Variants in ZNF285 observed in about 807,000 individuals in gnomAD.
ZNF285 encodes the protein zinc finger protein 285A.
A neutral mutation model predicts 6.2 loss-of-function variants in ZNF285; 4 were observed. The ratio of observed to expected loss-of-function variants is 0.65; its 90% confidence interval spans 0.32 to 1.49. ZNF285 has a LOEUF of 1.49. Among genes scored for constraint, ZNF285 ranks in the 40% most tolerant of loss-of-function variants. The probability of loss-of-function intolerance (pLI) is 0.07; values close to 1 mark genes in which losing one functional copy is unlikely to be tolerated. For missense variants in ZNF285, 695 were observed against 708.8 expected, an observed-to-expected ratio of 0.98 and a Z score of 0.22; for synonymous variants, 240 against 245.8, an observed-to-expected ratio of 0.98 and a Z score of 0.22.
intron 2 of ZNF285, among the ~76,000 whole-genome samples, chr19:44,394,351 T>G (rs991920293): frequency 6.6e-6 from 1 of 151,962 alleles, no homozygotes; most frequent in Non-Finnish European, 1.5e-5. Flanking sequence ...ACATGGCACA[T>G]GTATACATAT....
intron 3 of ZNF285, among the ~76,000 whole-genome samples, chr19:44,391,473 T>C (rs1490344136): frequency 6.6e-6 from 1 of 152,014 alleles, no homozygotes; most frequent in East Asian, 1.9e-4. Flanking sequence ...CATAGTTCCA[T>C]GTGGCTGGGG....
chr19:44,399,981 A>G (rs1214718249), intron 1 of ZNF285, among the ~76,000 whole-genome samples: 1 of 148,378 alleles, frequency 6.7e-6, no homozygotes, highest in Admixed American at 6.6e-5. Flanking sequence ...ACAATCCTGC[A>G]GAGAGAGAAC....
rs1971029099 is a variant in ZNF285 at position 44,383,376 on chromosome 19, C to T, written c.*3096G>A. On this transcript the variant is annotated 3_prime_UTR_variant, in exon 4 of 4. Coordinates refer to ENST00000614994, the MANE Select transcript of ZNF285 (RefSeq NM_152354.6). ...TCCCTGATGAGGCCTTAAGAGATCA[C>T]AGCTTTTGCCCTTGAAACCCTGGCA... The T allele has an allele frequency of 6.6e-6, 1 of 152,158 alleles. No individual in the cohort carries two copies. The highest frequency in any genetic ancestry group is 2.4e-5 in the African/African-American group (1 of 41,436). 9.4% of individuals were successfully genotyped at this position (152,158 alleles called of 1,614,324 possible). A position where few individuals can be genotyped will look rare whatever the true frequency, so the allele number is the denominator to read the frequency against.
chr19:44,392,576 A>G (rs147067333), intron 2 of ZNF285, 110 bp from the exon 3 acceptor site: 79,637 of 1,599,880 alleles, frequency 0.05, 2,322 homozygotes, highest in Non-Finnish European at 0.055. Context: ...AACAAAATAA[A>G]CTTATTTCTT....
At chr19:44,388,844 C>T (rs373043655) in intron 3 of ZNF285, among the ~76,000 whole-genome samples, 2,658 of 146,076 alleles carry the variant, frequency 0.018, 30 homozygotes, top group Non-Finnish European at 0.027. Context: ...GGCTTCCCTT[C>T]CTTCACATCA....
Position 44,397,237 on chromosome 19 carries a change from A to T in ZNF285, c.-24T>A, listed in dbSNP as rs189680817. 4.3e-6 allele frequency: 7 copies of T among 1,613,960 alleles called. No individual in the cohort carries two copies. The African/African-American group carries it at 8.0e-5, about 18-fold the overall frequency. On this transcript the variant is annotated 5_prime_UTR_variant, in exon 2 of 4. Coordinates refer to ENST00000614994, the MANE Select transcript of ZNF285 (RefSeq NM_152354.6). Reference sequence around the variant, plus strand: ...ATACCGTCTTCCTTTTGGAAAGGGCAGGATTCTGGAAAAGCAGAACTGCAA... The same window carrying T: ...ATACCGTCTTCCTTTTGGAAAGGGCTGGATTCTGGAAAAGCAGAACTGCAA...
At chr19:44,397,372 C>T (rs772804906) in intron 1 of ZNF285, 116 bp from the exon 2 acceptor site, 4 of 1,246,264 alleles carry the variant, frequency 3.2e-6, no homozygotes, top group Admixed American at 3.9e-5. Flanking sequence ...GATATCATCT[C>T]TTCTCGCTCT....
chr19:44,388,676 C>A (rs1971141031), intron 3 of ZNF285, among the ~76,000 whole-genome samples: 1 of 149,730 alleles, frequency 6.7e-6, no homozygotes, highest in Non-Finnish European at 1.5e-5. Context: ...CTTTAATAAT[C>A]TTGCTACAAA....
chr19:44,388,073 G>T lies in ZNF285; in HGVS notation c.172C>A (p.Leu58Ile), dbSNP rs979423135. Reference sequence around the variant, plus strand: ...AGGTAACTTAACCCCTTTGCCTGAAGATTCAAAATGTTGTTTTTAATCCCG... The same window carrying T: ...AGGTAACTTAACCCCTTTGCCTGAATATTCAAAATGTTGTTTTTAATCCCG... ...RDGIKNNILNLQAKGLSYLSQ... is the reference protein window; with the variant it reads ...RDGIKNNILNIQAKGLSYLSQ... Residue 58 changes from leucine to isoleucine, a missense_variant, in exon 4 of 4, where the codon CTT becomes ATT. Transcript: ENST00000614994. 3.1e-6 allele frequency: 5 copies of T among 1,613,348 alleles called. No individual in the cohort carries two copies. Among genetic ancestry groups the T allele is most frequent in the Non-Finnish European group, 4.2e-6 (5 of 1,179,768 alleles).
chr19:44,391,450 G>A (rs1971195336), intron 3 of ZNF285, among the ~76,000 whole-genome samples: 1 of 152,046 alleles, frequency 6.6e-6, no homozygotes, highest in South Asian at 2.1e-4. Flanking sequence ...AAAGGAAAGA[G>A]GTTTAATTGA....
chr19:44,386,523 T>G lies in ZNF285; in HGVS notation c.1722A>C (p.Gly574=), dbSNP rs73039936. The G allele has an allele frequency of 0.04, 63,805 of 1,609,858 alleles. 2,209 individuals carry two copies. The highest frequency in any genetic ancestry group is 0.19 in the East Asian group (8,279 of 44,662). The part of the protein sequence containing the change: ...DETQYTHCER[G]KDLLTHQRLH... ...GTCTTTGATGAGTCAGAAGGTCCTTTCCACGCTCACAGTGTGTGTACTGTG... is the reference window on the plus strand; with the variant it reads ...GTCTTTGATGAGTCAGAAGGTCCTTGCCACGCTCACAGTGTGTGTACTGTG... Residue 574 remains glycine, a synonymous_variant, in exon 4 of 4, where the codon GGA becomes GGC. Transcript: ENST00000614994.
chr19:44,394,023 A>G (rs1971239299), intron 2 of ZNF285, among the ~76,000 whole-genome samples: 1 of 152,128 alleles, frequency 6.6e-6, no homozygotes, highest in African/African-American at 2.4e-5. Context: ...ATGTCCAACA[A>G]CGATAGACTG....
At chr19:44,398,161 G>A (rs759349771) in intron 1 of ZNF285, among the ~76,000 whole-genome samples, 6 of 152,074 alleles carry the variant, frequency 3.9e-5, no homozygotes, top group Non-Finnish European at 5.9e-5. Flanking sequence ...AAATATTGAT[G>A]ACACACCTAT....
intron 1 of ZNF285, among the ~76,000 whole-genome samples, chr19:44,398,295 A>G (rs1342503065): frequency 1.3e-5 from 2 of 152,052 alleles, no homozygotes; most frequent in East Asian, 1.9e-4. Flanking sequence ...CTTCATATAC[A>G]CTAAAGCCCC....
chr19:44,391,801 A>G (rs1433896424), intron 3 of ZNF285, among the ~76,000 whole-genome samples: 1 of 152,114 alleles, frequency 6.6e-6, no homozygotes, highest in African/African-American at 2.4e-5. Context: ...TGAACCTCTG[A>G]GAAATGAAAA....
At chr19:44,397,606 T>C (rs1951459863) in intron 1 of ZNF285, among the ~76,000 whole-genome samples, 2 of 152,212 alleles carry the variant, frequency 1.3e-5, no homozygotes, top group South Asian at 2.1e-4. Context: ...ATCTCAGGGC[T>C]GGGCACAGTG....
intron 1 of ZNF285, 131 bp from the exon 2 acceptor site, chr19:44,397,387 A>C (rs1255951800): frequency 4.6e-6 from 5 of 1,092,768 alleles, no homozygotes; most frequent in Non-Finnish European, 6.7e-6. Flanking sequence ...CGCTCTGAAC[A>C]GACTGAACTC....
Position 44,387,145 on chromosome 19 carries a change from G to A in ZNF285, c.1100C>T (p.Thr367Ile). Residue 367 changes from threonine (T) to isoleucine (I), a missense_variant, in exon 4 of 4, where the codon ACA (threonine) becomes ATA (isoleucine). By Grantham distance (89) the Thr-to-Ile change is moderately conservative. Coordinates refer to ENST00000614994, the MANE Select transcript of ZNF285 (RefSeq NM_152354.6). ...TTCACATTTATAGGGCTTTTTCCCTGTGTGTACTCCCTGATGAATACAAAG... is the reference window on the plus strand; with the variant it reads ...TTCACATTTATAGGGCTTTTTCCCTATGTGTACTCCCTGATGAATACAAAG... ...SLLCIHQGVH[T>I]GKKPYKCEEC... 1.2e-6 allele frequency: 2 copies of A among 1,614,090 alleles called. No individual in the cohort carries two copies. Among genetic ancestry groups the A allele is most frequent in the East Asian group, 2.2e-5 (1 of 44,874 alleles).
rs376769237 is a variant in ZNF285, at chr19:44,387,719, A to C, written c.526T>G (p.Tyr176Asp). 43 of 1,613,902 alleles carry C rather than the reference A, an allele frequency of 2.7e-5. No individual in the cohort carries two copies. Among genetic ancestry groups the C allele is most frequent in the Non-Finnish European group, 3.6e-5 (43 of 1,179,846 alleles). Residue 176 changes from tyrosine to aspartate, a missense_variant, in exon 4 of 4, where the codon TAC becomes GAC. Physicochemically the swap from Tyr to Asp is radical, Grantham distance 160. Coordinates refer to ENST00000614994, the MANE Select transcript of ZNF285 (RefSeq NM_152354.6). ...YKGIYMEEKLYRRAQHDDSLS... is the reference protein window; with the variant it reads ...YKGIYMEEKLDRRAQHDDSLS... ...CTGTCATCATGCTGAGCACGTCTGT[A>C]CAATTTCTCTTCCATGTAAATTCCC... is the stretch of plus-strand genomic sequence containing the variant.
Sources: gnomAD v4.1 joint callset for allele counts (sites outside exome capture counted in the v4.1 genomes callset) on GRCh38, gnomAD v4.1.1 for gene constraint, MANE v1.5 for transcripts, NCBI Gene and HGNC (gene_info 2026-07-23, HGNC 2026-07-21) for gene names.